Variants in EVC2 observed in about 807,000 individuals in gnomAD.
The protein encoded by EVC2 is limbin.
Under a neutral mutation model 149.3 loss-of-function variants are expected in EVC2, and 148 were observed. The ratio of observed to expected loss-of-function variants is 0.99; its 90% CI spans 0.87 to 1.14. EVC2 has a LOEUF of 1.14. EVC2 is among the 50% of genes most tolerant of loss of function. The pLI is 0.00. For missense variants in EVC2, 1,854 were observed against 1,627.3 expected, an observed-to-expected ratio of 1.14 and a Z score of -2.40; for synonymous variants, 776 against 649.9, an observed-to-expected ratio of 1.19 and a Z score of -2.95.
chr4:5,542,689 ATAG>A (rs1425078240), downstream of EVC2: 1 of 157,500 alleles, frequency 6.3e-6, no homozygotes, highest in African/African-American at 2.4e-5. Context: ...GGGGATGATA[ATAG>A]TAGACCCGAC....
chr4:5,543,374 C>T (rs1270611890), intron 21 of EVC2, among the ~76,000 whole-genome samples: 1 of 152,138 alleles, frequency 6.6e-6, no homozygotes, highest in African/African-American at 2.4e-5. Context: ...CCACTGACTT[C>T]CAAAATAAGC....
chr4:5,568,395 C>T, intron 20 of EVC2, 49 bp downstream of exon 20: 1 of 1,531,020 alleles, frequency 6.5e-7, no homozygotes, highest in Middle Eastern at 2.3e-4. Context: ...CATGGGGACC[C>T]TTGTGGACAG....
intron 18 of EVC2, among the ~76,000 whole-genome samples, chr4:5,574,988 C>T (rs1409701358): frequency 6.6e-6 from 1 of 152,138 alleles, no homozygotes; most frequent in Non-Finnish European, 1.5e-5. Flanking sequence ...GAAGGAGGCT[C>T]CTCGAAGTGA....
intron 9 of EVC2, among the ~76,000 whole-genome samples, chr4:5,658,377 T>G (rs560558551): frequency 5.9e-5 from 9 of 152,256 alleles, no homozygotes; most frequent in African/African-American, 2.2e-4. Context: ...ATCATTTCTC[T>G]AAAGTGTTTA....
intron 16 of EVC2, among the ~76,000 whole-genome samples, chr4:5,589,596 C>T (rs1165286114): frequency 6.6e-6 from 1 of 152,186 alleles, no homozygotes; most frequent in Non-Finnish European, 1.5e-5. Context: ...TGGGTTCCTT[C>T]TTGCTGTGCC....
intron 16 of EVC2, among the ~76,000 whole-genome samples, chr4:5,587,991 A>G (rs1437248789): frequency 6.6e-6 from 1 of 152,102 alleles, no homozygotes; most frequent in Non-Finnish European, 1.5e-5. Context: ...ATAAGACAAT[A>G]TGAGGGGTGG....
At chr4:5,607,258 G>A (rs1436940102) in intron 16 of EVC2, among the ~76,000 whole-genome samples, 1 of 152,120 alleles carries the variant, frequency 6.6e-6, no homozygotes, top group Non-Finnish European at 1.5e-5. Context: ...CTCTACTCAT[G>A]AAAACAATTG....
At chr4:5,593,211 G>C (rs775554665) in intron 16 of EVC2, among the ~76,000 whole-genome samples, 4 of 152,086 alleles carry the variant, frequency 2.6e-5, no homozygotes, top group Non-Finnish European at 5.9e-5. Flanking sequence ...TGTGAGAATG[G>C]ACTAATACAG....
intron 1 of EVC2, among the ~76,000 whole-genome samples, chr4:5,697,911 A>G (rs1342154674): frequency 6.6e-6 from 1 of 151,760 alleles, no homozygotes; most frequent in Admixed American, 6.6e-5. Flanking sequence ...ACGCCCAGCT[A>G]ATTTTTTTGT....
At chr4:5,682,680 G>A (rs1720431682) in intron 6 of EVC2, among the ~76,000 whole-genome samples, 1 of 151,016 alleles carries the variant, frequency 6.6e-6, no homozygotes, top group Non-Finnish European at 1.5e-5. Context: ...CCAACATGGT[G>A]AAACCCTGTC....
chr4:5,652,715 G>A (rs934696390), intron 9 of EVC2, among the ~76,000 whole-genome samples: 2 of 152,152 alleles, frequency 1.3e-5, no homozygotes, highest in Non-Finnish European at 2.9e-5. Flanking sequence ...ACCAACTAGA[G>A]GATGCATCAT....
intron 17 of EVC2, among the ~76,000 whole-genome samples, chr4:5,582,957 C>A (rs1711936231): frequency 6.6e-6 from 1 of 152,182 alleles, no homozygotes; most frequent in Admixed American, 6.5e-5. Flanking sequence ...TGAGTCCTCC[C>A]CAGAAGCTGG....
intron 1 of EVC2, among the ~76,000 whole-genome samples, chr4:5,705,684 C>T (rs1032818850): frequency 6.6e-6 from 1 of 152,108 alleles, no homozygotes; most frequent in Non-Finnish European, 1.5e-5. Flanking sequence ...TCTGCTTGTA[C>T]ATTAAATCTG....
At chr4:5,581,606 C>T (rs1338699234) in intron 17 of EVC2, among the ~76,000 whole-genome samples, 3 of 152,206 alleles carry the variant, frequency 2.0e-5, no homozygotes, top group African/African-American at 7.2e-5. Flanking sequence ...CTGCTTCTAA[C>T]AACCTATGTT....
chr4:5,578,820 A>C (rs1711515788), intron 17 of EVC2, among the ~76,000 whole-genome samples: 1 of 152,204 alleles, frequency 6.6e-6, no homozygotes, highest in Admixed American at 6.5e-5. Context: ...AAATGCCATC[A>C]TCTGCTTCGG....
chr4:5,688,953 G>C (rs1720913652), intron 5 of EVC2, among the ~76,000 whole-genome samples: 1 of 152,118 alleles, frequency 6.6e-6, no homozygotes, highest in African/African-American at 2.4e-5. Flanking sequence ...AGATAAATGA[G>C]AAATTCAGCT....
intron 9 of EVC2, among the ~76,000 whole-genome samples, chr4:5,647,521 C>A (rs552862721): frequency 2.0e-5 from 3 of 152,146 alleles, no homozygotes; most frequent in African/African-American, 7.2e-5. Flanking sequence ...GTCTATGCAA[C>A]GAGCGCTTTG....
chr4:5,593,068 G>C (rs1712976582), intron 16 of EVC2, among the ~76,000 whole-genome samples: 1 of 152,136 alleles, frequency 6.6e-6, no homozygotes, highest in Non-Finnish European at 1.5e-5. Flanking sequence ...GCCATGTGAA[G>C]AAGTATATGT....
At position 5,567,315 on chromosome 4, in the gene EVC2, T is replaced by C. The variant is rs572800954; in HGVS notation, c.3557+1129A>G. The stretch of plus-strand genomic sequence containing the variant: ...TCCCCCTCACCCTGGTCAGACTCTA[T>C]TCACCCTCAGCAGCGCTTCTTGGAT... On this transcript the variant is annotated intron_variant, in intron 20 of 21. Transcript: ENST00000344408. This position sits in a 1 kb window ranked among gnomAD's most constrained non-coding sequence, Gnocchi z 4.4. 2.6e-5 allele frequency among the ~76,000 whole-genome samples: 4 copies of C among 152,256 alleles called. No individual in the cohort carries two copies. The highest frequency in any genetic ancestry group is 2.1e-4 in the South Asian group (1 of 4,826).
Sources: gnomAD v4.1 joint callset for allele counts (sites outside exome capture counted in the v4.1 genomes callset) on GRCh38, gnomAD v4.1.1 for gene constraint, Gnocchi (gnomAD v3.1) non-coding constraint, MANE v1.5 for transcripts, NCBI Gene and HGNC (gene_info 2026-07-23, HGNC 2026-07-21) for gene names.